The following CDYL variants were observed in gnomAD, a reference collection of about 807,000 sequenced individuals.
The protein encoded by CDYL is chromodomain Y like, also known as chromodomain Y-like protein.
In CDYL, 8 loss-of-function variants were observed where a neutral mutation model predicts 47.3. The ratio of observed to expected loss-of-function variants is 0.17; its 90% CI spans 0.10 to 0.31. The LOEUF (loss-of-function observed/expected upper bound fraction) is 0.31, where lower values mean the gene tolerates loss of function less well. CDYL is among the 10% of genes least tolerant of loss of function. The pLI is 1.00. For synonymous variants in CDYL, 266 were observed against 265.0 expected (o/e 1.00, Z -0.04); for missense variants, 471 against 701.4 (o/e 0.67, Z 3.71).
At chr6:4,925,222 T>C (rs1304419841) in intron 2 of CDYL, among the ~76,000 whole-genome samples, 1 of 152,166 alleles carries the variant, frequency 6.6e-6, no homozygotes, top group Non-Finnish European at 1.5e-5. Flanking sequence ...CGCAGTATAC[T>C]CAGATCGTTC....
intron 3 of CDYL, among the ~76,000 whole-genome samples, chr6:4,746,360 CAAAAA>C (rs1157122372): frequency 1.1e-5 from 1 of 95,116 alleles, no homozygotes; most frequent in African/African-American, 3.4e-5. Context: ...CAGACTCTCT[CAAAAA>C]AAAAAAAAAA....
chr6:4,749,997 C>T (rs1379273809), intron 3 of CDYL, among the ~76,000 whole-genome samples: 1 of 152,006 alleles, frequency 6.6e-6, no homozygotes, highest in Non-Finnish European at 1.5e-5. Context: ...ATTTGGAGCA[C>T]GTCTCTCTTC....
intron 1 of CDYL, among the ~76,000 whole-genome samples, chr6:4,808,913 C>T (rs1288982069): frequency 6.6e-6 from 1 of 152,188 alleles, no homozygotes; most frequent in Non-Finnish European, 1.5e-5. Context: ...CCCATACACA[C>T]ATCCTGGTTG....
intron 1 of CDYL, among the ~76,000 whole-genome samples, chr6:4,875,182 G>A (rs569661474): frequency 1.3e-5 from 2 of 152,300 alleles, no homozygotes; most frequent in South Asian, 4.1e-4. Context: ...CATCCTAGCA[G>A]CACTGACGTT....
At chr6:4,893,140 G>GGCTTCCT (rs1274332138) in intron 2 of CDYL, among the ~76,000 whole-genome samples, 1 of 152,172 alleles carries the variant, frequency 6.6e-6, no homozygotes, top group Non-Finnish European at 1.5e-5. Context: ...TTTCTAATAG[G>GGCTTCCT]GCTTCCTGCT....
rs966055332 is a variant in CDYL, at chr6:4,722,319, G to A, written c.103+6438G>A. On this transcript the variant is annotated intron_variant, in intron 2 of 8. Transcript: ENST00000328908. Reference sequence around the variant, plus strand: ...TCAACAAAAAAATTAAGCACTTTGGGAGGCCAAGGTGGGAGGATGGCTTAA... The same window carrying A: ...TCAACAAAAAAATTAAGCACTTTGGAAGGCCAAGGTGGGAGGATGGCTTAA... Among the ~76,000 whole-genome samples the A allele has an allele frequency of 4.6e-5, 7 of 152,178 alleles. No individual in the cohort carries two copies. The East Asian group carries it at 1.2e-3, about 25-fold the overall frequency.
intron 1 of CDYL, among the ~76,000 whole-genome samples, chr6:4,711,786 T>G (rs2127406576): frequency 6.6e-6 from 1 of 152,216 alleles, no homozygotes; most frequent in East Asian, 1.9e-4. Context: ...AAAAGCAGGC[T>G]GGGCACAGTG....
At chr6:4,772,410 A>G (rs1207823099), upstream of CDYL, among the ~76,000 whole-genome samples, 3 of 152,166 alleles carry the variant, frequency 2.0e-5, no homozygotes, top group African/African-American at 7.2e-5. Flanking sequence ...ACAGTGACTG[A>G]AAAAAGGAAT....
intron 1 of CDYL, among the ~76,000 whole-genome samples, chr6:4,709,192 C>A (rs1582264906): frequency 6.6e-6 from 1 of 151,838 alleles, no homozygotes; most frequent in Non-Finnish European, 1.5e-5. Flanking sequence ...CTATTCATTG[C>A]ACCCAGTCAT....
chr6:4,920,063 C>G lies in CDYL; in HGVS notation c.692-15452C>G, dbSNP rs528931078. Among the ~76,000 whole-genome samples the G allele has an allele frequency of 9.2e-5, 14 of 152,262 alleles. No homozygotes were observed. The South Asian group carries it at 2.9e-3, about 32-fold the overall frequency. On this transcript the variant is annotated intron_variant, in intron 2 of 6. Coordinates refer to ENST00000397588, the MANE Select transcript of CDYL (RefSeq NM_004824.4). ...TCACACATGCTGCAATATGGATGAA[C>G]CTTGCGGACATGGTGCTCGGTGACA...
intron 1 of CDYL, among the ~76,000 whole-genome samples, chr6:4,878,040 T>G (rs1402372530): frequency 1.3e-5 from 2 of 152,224 alleles, no homozygotes; most frequent in Non-Finnish European, 2.9e-5. Context: ...TTTTCTCTTC[T>G]ATTCTCATAG....
intron 1 of CDYL, among the ~76,000 whole-genome samples, chr6:4,879,889 G>T (rs963371565): frequency 2.6e-5 from 4 of 152,028 alleles, no homozygotes; most frequent in Non-Finnish European, 4.4e-5. Context: ...TTTTTTTAAA[G>T]AGTAGTTTCA....
chr6:4,778,181 T>A (rs114741114), intron 1 of CDYL, among the ~76,000 whole-genome samples: 3,736 of 152,248 alleles, frequency 0.025, 172 homozygotes, highest in African/African-American at 0.085. Context: ...CCAGGTGAAG[T>A]CTGTACAGGG....
At chr6:4,758,815 A>G (rs950671323) in intron 3 of CDYL, among the ~76,000 whole-genome samples, 2 of 152,240 alleles carry the variant, frequency 1.3e-5, no homozygotes, top group East Asian at 3.9e-4. Flanking sequence ...AAACTATACT[A>G]CATATTTCCT....
chr6:4,789,354 G>A (rs1758853159), intron 1 of CDYL, among the ~76,000 whole-genome samples: 4 of 152,186 alleles, frequency 2.6e-5, no homozygotes, highest in Admixed American at 2.6e-4. Flanking sequence ...GATTGCAGAC[G>A]TGACCTGCCG....
At chr6:4,789,849 G>A (rs1195305418) in intron 1 of CDYL, among the ~76,000 whole-genome samples, 1 of 152,200 alleles carries the variant, frequency 6.6e-6, no homozygotes, top group Non-Finnish European at 1.5e-5. Context: ...GAGAAGTGTA[G>A]TTTCCTGTTC....
intron 2 of CDYL, 54 bp from the exon 3 acceptor site, chr6:4,935,461 G>A (rs1758161275): frequency 1.4e-6 from 2 of 1,454,180 alleles, no homozygotes; most frequent in Non-Finnish European, 9.6e-7. Context: ...TGACACCTGG[G>A]AGTGAACTGG....
chr6:4,948,405 G>A (rs961899661), intron 5 of CDYL, among the ~76,000 whole-genome samples: 1 of 152,202 alleles, frequency 6.6e-6, no homozygotes, highest in African/African-American at 2.4e-5. Flanking sequence ...ATCACAGGAC[G>A]AATGCCTGCC....
At chr6:4,772,855 A>G (rs1008254941), upstream of CDYL, 1 of 316,188 alleles carries the variant, frequency 3.2e-6, no homozygotes, top group Non-Finnish European at 6.2e-6. Context: ...TTTGGCTCTG[A>G]GAATAGTAGT....
Sources: allele counts gnomAD v4.1 joint callset (sites outside exome capture counted in the v4.1 genomes callset), GRCh38; gene constraint gnomAD v4.1.1; transcripts MANE v1.5; gene names NCBI Gene and HGNC (gene_info 2026-07-23, HGNC 2026-07-21).